The following HOOK1 variants were observed in gnomAD, a reference collection of about 807,000 sequenced individuals.
HOOK1 encodes the protein protein Hook homolog 1.
In HOOK1, 60 loss-of-function variants were observed where a neutral mutation model predicts 112.8. The observed-to-expected ratio is 0.53, with a 90% CI of 0.43 to 0.66. HOOK1 has a LOEUF of 0.66. Among genes scored for constraint, HOOK1 ranks in the 30% least tolerant of loss-of-function variants. The probability of loss-of-function intolerance (pLI) is 0.00; values close to 1 mark genes in which losing one functional copy is unlikely to be tolerated. For synonymous variants in HOOK1, 294 were observed against 283.8 expected (o/e 1.04, Z -0.36); for missense variants, 770 against 856.0 (o/e 0.90, Z 1.25).
chr1:59,833,207 G>A (rs1292470373), intron 4 of HOOK1, among the ~76,000 whole-genome samples, 198 bp from the exon 5 acceptor site: 1 of 152,118 alleles, frequency 6.6e-6, no homozygotes, highest in Non-Finnish European at 1.5e-5. Flanking sequence ...AGGAAATATA[G>A]TGCTTTTGGT....
intron 11 of HOOK1, 44 bp downstream of exon 11, chr1:59,848,560 T>G (rs1408220191): frequency 1.5e-6 from 2 of 1,362,454 alleles, no homozygotes; most frequent in Non-Finnish European, 2.1e-6. Flanking sequence ...TGTAAGAGTT[T>G]AACTTTGTTA....
chr1:59,836,710 T>G (rs955695253), intron 6 of HOOK1, among the ~76,000 whole-genome samples, 163 bp from the exon 7 acceptor site: 12 of 152,198 alleles, frequency 7.9e-5, no homozygotes, highest in Non-Finnish European at 1.8e-4. Flanking sequence ...TGTTATTAAG[T>G]TAAGGCTCTA....
chr1:59,863,042 G>T (rs1469506399), intron 16 of HOOK1, among the ~76,000 whole-genome samples, 165 bp downstream of exon 16: 1 of 152,008 alleles, frequency 6.6e-6, no homozygotes, highest in Non-Finnish European at 1.5e-5. Context: ...TGCCAACTTG[G>T]AGCCTGTCAG....
intron 2 of HOOK1, among the ~76,000 whole-genome samples, chr1:59,826,656 A>G (rs2098390158): frequency 6.6e-6 from 1 of 152,232 alleles, no homozygotes; most frequent in Non-Finnish European, 1.5e-5. Flanking sequence ...AGGGTCAGTT[A>G]GAAGACTGGG....
rs773418458 is a variant in HOOK1 at position 59,860,229 on chromosome 1, G to A, written c.1433G>A (p.Arg478His). ...IRLQHENKML[R>H]LQQEGSENER... ...CTGCAACATGAAAATAAGATGCTTCGCTTACAGCAAGAAGGCTCTGAGAAT... is the reference window on the plus strand; with the variant it reads ...CTGCAACATGAAAATAAGATGCTTCACTTACAGCAAGAAGGCTCTGAGAAT... Residue 478 changes from arginine (R) to histidine (H), a missense_variant, in exon 15 of 22, where the codon CGC becomes CAC. Transcript: ENST00000371208. 1.7e-5 allele frequency: 28 copies of A among 1,608,302 alleles called. No homozygotes were observed. The highest frequency in any genetic ancestry group is 1.7e-4 in the Middle Eastern group (1 of 6,052).
At chr1:59,825,536 G>T (rs2098389236) in intron 2 of HOOK1, among the ~76,000 whole-genome samples, 1 of 152,168 alleles carries the variant, frequency 6.6e-6, no homozygotes, top group Non-Finnish European at 1.5e-5. Context: ...CATCATTATA[G>T]AACTTATTTG....
At chr1:59,851,370 G>A (rs577315455) in intron 12 of HOOK1, among the ~76,000 whole-genome samples, 1 of 151,656 alleles carries the variant, frequency 6.6e-6, no homozygotes, top group Non-Finnish European at 1.5e-5. Flanking sequence ...AGTTTTCAGT[G>A]TGCAAGACTA....
chr1:59,865,292 C>T (rs1169457750), intron 18 of HOOK1, 47 bp downstream of exon 18: 1 of 1,162,820 alleles, frequency 8.6e-7, no homozygotes, highest in Non-Finnish European at 1.3e-6. Flanking sequence ...TATCTAAGGA[C>T]TTACCCTTTT....
At chr1:59,848,068 G>A (rs1406279416) in intron 10 of HOOK1, among the ~76,000 whole-genome samples, 1 of 151,658 alleles carries the variant, frequency 6.6e-6, no homozygotes, top group Non-Finnish European at 1.5e-5. Context: ...TGATAAATTA[G>A]TGTGTCAGAT....
At position 59,850,832 on chromosome 1, in the gene HOOK1, TAATA is replaced by T. The variant is rs2098406788; in HGVS notation, c.1242+1650_1242+1653del. Among the ~76,000 whole-genome samples the T allele has an allele frequency of 5.9e-5, 9 of 151,526 alleles. No individual in the cohort carries two copies. The South Asian group carries it at 1.9e-3, about 31-fold the overall frequency. ...TTACCACACAAATGCAAGATAGTAA[TAATA>T]GGGGAGACTGAGAGTGAGAAGAGGG... On this transcript the variant is annotated intron_variant, in intron 12 of 21. Transcript: ENST00000371208.
chr1:59,849,431 G>A (rs1441847629), intron 12 of HOOK1, among the ~76,000 whole-genome samples: 2 of 151,606 alleles, frequency 1.3e-5, no homozygotes, highest in Non-Finnish European at 1.5e-5. Flanking sequence ...ATTCTAGACT[G>A]TCAGTTGCAT....
chr1:59,847,598 CTT>C (rs1215107738), intron 10 of HOOK1, among the ~76,000 whole-genome samples: 1 of 151,434 alleles, frequency 6.6e-6, no homozygotes, highest in South Asian at 2.1e-4. Context: ...AGAATCCTAA[CTT>C]TTTTTGGGGG....
At chr1:59,850,343 T>C (rs895713431) in intron 12 of HOOK1, among the ~76,000 whole-genome samples, 1 of 151,426 alleles carries the variant, frequency 6.6e-6, no homozygotes, top group Non-Finnish European at 1.5e-5. Context: ...CTTGATGATA[T>C]AGTTTGCAGC....
At chr1:59,815,971 C>A (rs2098381114) in intron 1 of HOOK1, among the ~76,000 whole-genome samples, 1 of 152,158 alleles carries the variant, frequency 6.6e-6, no homozygotes, top group South Asian at 2.1e-4. Context: ...AAAATGACAT[C>A]CCACCTCTTA....
At chr1:59,845,502 G>C (rs776517777) in intron 9 of HOOK1, among the ~76,000 whole-genome samples, 15 of 151,814 alleles carry the variant, frequency 9.9e-5, no homozygotes, top group Non-Finnish European at 1.6e-4. Context: ...GCTAGCTGTA[G>C]AGTTGTTCGA....
chr1:59,855,860 C>T lies in HOOK1; in HGVS notation c.1243-2568C>T, dbSNP rs909194934. On this transcript the variant is annotated intron_variant, in intron 12 of 21. Transcript: ENST00000371208. Reference sequence around the variant, plus strand: ...CAGTCATGGCTCATTGAAGCCTCAACCCCTTGGGCATCAAGCAGTCTTCTT... The same window carrying T: ...CAGTCATGGCTCATTGAAGCCTCAATCCCTTGGGCATCAAGCAGTCTTCTT... Among the ~76,000 whole-genome samples, 6 of 148,220 alleles carry T rather than the reference C, an allele frequency of 4.0e-5. No individual in the cohort carries two copies. The East Asian group carries it at 9.8e-4, about 24-fold the overall frequency.
intron 5 of HOOK1, 77 bp downstream of exon 5, chr1:59,833,614 C>A (rs2098395573): frequency 8.2e-7 from 1 of 1,220,992 alleles, no homozygotes; most frequent in Non-Finnish European, 1.1e-6. Context: ...AGCATTAAAT[C>A]ATACTATTAA....
intron 8 of HOOK1, among the ~76,000 whole-genome samples, chr1:59,842,083 A>C (rs2098401304): frequency 6.6e-6 from 1 of 152,112 alleles, no homozygotes; most frequent in African/African-American, 2.4e-5. Context: ...CCAGGTGTTC[A>C]AAACTAAAAT....
chr1:59,828,739 A>G lies in HOOK1; in HGVS notation c.150-41A>G, dbSNP rs781023082. 5 of 1,584,282 alleles carry G rather than the reference A, an allele frequency of 3.2e-6. No homozygotes were observed. The African/African-American group carries it at 6.8e-5, about 21-fold the overall frequency. ...CTCTATTTAATTTTTTGTGTAATAA[A>G]AACATTTTCATCTTTAGTATTTTTT... On this transcript the variant is annotated intron_variant, in intron 2 of 21. Coordinates refer to ENST00000371208, the MANE Select transcript of HOOK1 (RefSeq NM_015888.6).
Sources: allele counts gnomAD v4.1 joint callset (sites outside exome capture counted in the v4.1 genomes callset), GRCh38; gene constraint gnomAD v4.1.1; transcripts MANE v1.5; gene names NCBI Gene and HGNC (gene_info 2026-07-23, HGNC 2026-07-21).